LRMDA: variants seen among roughly 807,000 people sequenced by gnomAD.
LRMDA encodes the protein leucine rich melanocyte differentiation associated.
LRMDA carries 18 observed loss-of-function variants against 29.8 expected under a neutral mutation model. That is an observed-to-expected ratio of 0.60 (90% CI 0.42 to 0.90). LRMDA has a LOEUF of 0.90. LRMDA is among the 40% of genes least tolerant of loss of function. The pLI is 0.00. For synonymous variants in LRMDA, 125 were observed against 109.4 expected (o/e 1.14, Z -0.89); for missense variants, 273 against 273.9 (o/e 1.00, Z 0.02).
At chr10:76,082,321 C>T (rs757959880) in intron 5 of LRMDA, among the ~76,000 whole-genome samples, 1 of 151,926 alleles carries the variant, frequency 6.6e-6, no homozygotes, top group Non-Finnish European at 1.5e-5. Context: ...GCTTGATTTC[C>T]CTGCCTGTCA....
At chr10:76,417,383 A>C (rs1039564356) in intron 6 of LRMDA, among the ~76,000 whole-genome samples, 3 of 152,204 alleles carry the variant, frequency 2.0e-5, no homozygotes, top group East Asian at 3.8e-4. Flanking sequence ...TTTAAAATAA[A>C]CTTTTAAAGT....
chr10:76,001,655 T>G (rs1847565307), intron 2 of LRMDA, among the ~76,000 whole-genome samples: 1 of 151,982 alleles, frequency 6.6e-6, no homozygotes, highest in Non-Finnish European at 1.5e-5. Context: ...ATTTATTTAA[T>G]GAAACATTTA....
In LRMDA at chr10:76,560,104, A is replaced by G. The variant is rs562291931; in HGVS notation, c.*2816A>G. On this transcript the variant is annotated 3_prime_UTR_variant, in exon 7 of 7. Transcript: ENST00000611255. ...AGAGATTATCACTTGATCAGGCTGC[A>G]TGTCTGAGTGTTGTGTGTTTTCACA... 6.6e-6 allele frequency: 1 copy of G among 152,276 alleles called. No homozygotes were observed. The highest frequency in any genetic ancestry group is 2.1e-4 in the South Asian group (1 of 4,824). The allele number at this position is 152,276 out of a possible 1,614,324, so 9.4% of individuals were successfully genotyped here.
At chr10:75,783,163 A>T (rs1049239432) in intron 2 of LRMDA, 3 of 1,121,158 alleles carry the variant, frequency 2.7e-6, no homozygotes, top group Non-Finnish European at 3.9e-6. Flanking sequence ...TTCTTTTAAC[A>T]TTGTCAGTGA....
intron 2 of LRMDA, among the ~76,000 whole-genome samples, chr10:75,834,379 A>G (rs1305695257): frequency 6.6e-6 from 1 of 152,124 alleles, no homozygotes; most frequent in Non-Finnish European, 1.5e-5. Flanking sequence ...CTTCTGAGTT[A>G]TTTGCCAAAG....
At chr10:75,782,015 C>G (rs141075686) in intron 2 of LRMDA, among the ~76,000 whole-genome samples, 20 of 152,344 alleles carry the variant, frequency 1.3e-4, no homozygotes, top group Middle Eastern at 3.4e-3. Context: ...TCGAGGATCA[C>G]AGCTACAGCT....
chr10:76,454,523 G>A (rs897472481), intron 6 of LRMDA, among the ~76,000 whole-genome samples: 1 of 152,046 alleles, frequency 6.6e-6, no homozygotes, highest in Non-Finnish European at 1.5e-5. Context: ...AAACCCACAT[G>A]TTCCTTTAAA....
At chr10:76,439,654 GA>G (rs565236701) in intron 6 of LRMDA, among the ~76,000 whole-genome samples, 1 of 152,182 alleles carries the variant, frequency 6.6e-6, no homozygotes, top group Non-Finnish European at 1.5e-5. Flanking sequence ...AGAAGATCAG[GA>G]GTGCTCCTTG....
intron 6 of LRMDA, among the ~76,000 whole-genome samples, chr10:76,398,322 G>A (rs1460912769): frequency 6.6e-6 from 1 of 152,014 alleles, no homozygotes; most frequent in East Asian, 1.9e-4. Context: ...AAATATTAAT[G>A]TAATGGCAGA....
intron 2 of LRMDA, among the ~76,000 whole-genome samples, chr10:75,948,689 T>A (rs1846520912): frequency 6.6e-6 from 1 of 152,108 alleles, no homozygotes; most frequent in Non-Finnish European, 1.5e-5. Context: ...TTTAATCTCT[T>A]CTATGTGAGA....
intron 3 of LRMDA, among the ~76,000 whole-genome samples, chr10:76,040,314 C>G (rs1186488402): frequency 6.6e-6 from 1 of 152,172 alleles, no homozygotes; most frequent in Non-Finnish European, 1.5e-5. Flanking sequence ...AAAATTTCTT[C>G]TGTGTTCATC....
At chr10:75,563,248 T>C (rs1223922922) in intron 2 of LRMDA, among the ~76,000 whole-genome samples, 2 of 152,106 alleles carry the variant, frequency 1.3e-5, no homozygotes, top group Non-Finnish European at 2.9e-5. Context: ...CTTTTTTCTC[T>C]AAACTTCCCT....
chr10:75,963,778 G>A (rs1473840046), intron 2 of LRMDA, among the ~76,000 whole-genome samples: 1 of 152,224 alleles, frequency 6.6e-6, no homozygotes, highest in East Asian at 1.9e-4. Context: ...ACAATACAAA[G>A]TGGTGCACTG....
chr10:75,783,040 C>T, intron 2 of LRMDA: 1 of 1,613,900 alleles, frequency 6.2e-7, no homozygotes, highest in Non-Finnish European at 8.5e-7. Context: ...AGACAGGACC[C>T]TTAATCAAAG....
At chr10:75,996,265 A>G (rs1420635490) in intron 2 of LRMDA, among the ~76,000 whole-genome samples, 1 of 152,208 alleles carries the variant, frequency 6.6e-6, no homozygotes, top group African/African-American at 2.4e-5. Context: ...ACTCACTCTG[A>G]CAAGTCTGAG....
intron 6 of LRMDA, among the ~76,000 whole-genome samples, chr10:76,502,729 A>G (rs186708630): frequency 4.7e-5 from 7 of 150,232 alleles, no homozygotes; most frequent in African/African-American, 1.7e-4. Context: ...ACTTTACTAC[A>G]ATTTTTCCTT....
At chr10:75,917,799 A>T (rs887992426) in intron 2 of LRMDA, among the ~76,000 whole-genome samples, 1 of 152,216 alleles carries the variant, frequency 6.6e-6, no homozygotes, top group African/African-American at 2.4e-5. Context: ...ACCTTGGGCA[A>T]ATAAACTTCT....
intron 2 of LRMDA, among the ~76,000 whole-genome samples, chr10:75,463,031 C>T (rs1844605646): frequency 6.6e-6 from 1 of 152,104 alleles, no homozygotes; most frequent in Non-Finnish European, 1.5e-5. Flanking sequence ...GTTCTGGACA[C>T]CTGAGGCTCC....
intron 2 of LRMDA, among the ~76,000 whole-genome samples, chr10:75,513,959 A>G (rs1845257672): frequency 6.6e-6 from 1 of 152,236 alleles, no homozygotes; most frequent in Non-Finnish European, 1.5e-5. Flanking sequence ...AGGCAAGAAG[A>G]CATCAGGTGG....
Sources: allele counts gnomAD v4.1 joint callset (sites outside exome capture counted in the v4.1 genomes callset), GRCh38; gene constraint gnomAD v4.1.1; transcripts MANE v1.5; gene names NCBI Gene and HGNC (gene_info 2026-07-23, HGNC 2026-07-21).